Variants in ADHFE1 observed in about 807,000 individuals in gnomAD.
The protein encoded by ADHFE1 is hydroxyacid-oxoacid transhydrogenase, mitochondrial.
In ADHFE1, 37 loss-of-function variants were observed where a neutral mutation model predicts 54.8. That is an observed-to-expected ratio of 0.68 (90% CI 0.52 to 0.89). The LOEUF (loss-of-function observed/expected upper bound fraction) is 0.89, where lower values mean the gene tolerates loss of function less well. Ranked by LOEUF, ADHFE1 falls within the 40% of genes least tolerant of loss-of-function variation. ADHFE1 has a pLI of 0.00. For synonymous variants in ADHFE1, 203 were observed against 229.3 expected, an observed-to-expected ratio of 0.89 and a Z score of 1.04; for missense variants, 601 against 591.2, an observed-to-expected ratio of 1.02 and a Z score of -0.17.
At position 66,440,178 on chromosome 8, in the gene ADHFE1, C is replaced by T. The variant is rs1490383438; in HGVS notation, c.76C>T (p.His26Tyr). Residue 26 changes from histidine to tyrosine, a missense_variant, in exon 2 of 14, where the codon CAT becomes TAT. His to Tyr is a moderately conservative substitution (Grantham distance 83). Coordinates refer to ENST00000396623, the MANE Select transcript of ADHFE1 (RefSeq NM_144650.3). ...TTTCCCTAGGTGCCAGTGCCCAACTCATTCTCATACTTACTCCCAAGGTAA... is the reference window on the plus strand; with the variant it reads ...TTTCCCTAGGTGCCAGTGCCCAACTTATTCTCATACTTACTCCCAAGGTAA... Reference protein sequence around the residue: ...LQRAACQCPTHSHTYSQAPGL... With the variant: ...LQRAACQCPTYSHTYSQAPGL... The T allele has an allele frequency of 5.0e-6, 8 of 1,603,072 alleles. No homozygotes were observed. The highest frequency in any genetic ancestry group is 6.8e-6 in the Non-Finnish European group (8 of 1,173,400).
At chr8:66,438,648 G>T (rs1368295048) in intron 1 of ADHFE1, among the ~76,000 whole-genome samples, 3 of 152,084 alleles carry the variant, frequency 2.0e-5, no homozygotes, top group Non-Finnish European at 4.4e-5. Context: ...GCAAATGTAG[G>T]TCGGGAGGAG....
chr8:66,449,987 G>A (rs1043778891), intron 8 of ADHFE1, among the ~76,000 whole-genome samples: 71 of 152,158 alleles, frequency 4.7e-4, no homozygotes, highest in African/African-American at 1.4e-3. Context: ...GTCAAGCATG[G>A]TGGCACATGC....
In ADHFE1 at chr8:66,445,331, C is replaced by T. The variant is rs1586452837; in HGVS notation, c.467C>T (p.Pro156Leu). Residue 156 changes from proline (P) to leucine (L), a missense_variant, in exon 6 of 14, where the codon CCT (proline) becomes CTT (leucine). Physicochemically the swap from Pro to Leu is moderately conservative, Grantham distance 98. Coordinates refer to ENST00000396623, the MANE Select transcript of ADHFE1 (RefSeq NM_144650.3). Reference sequence around the variant, plus strand: ...GCTGCTAATCTGTATGCATCCAGCCCTCATTCTGATTTCCTAGATTATGTC... The same window carrying T: ...GCTGCTAATCTGTATGCATCCAGCCTTCATTCTGATTTCCTAGATTATGTC... The part of the protein sequence containing the change: ...CKAANLYASS[P>L]HSDFLDYVSA... The T allele has an allele frequency of 6.2e-7, 1 of 1,614,042 alleles. No homozygotes were observed. The highest frequency in any genetic ancestry group is 1.3e-5 in the African/African-American group (1 of 75,020).
Position 66,454,662 on chromosome 8 carries a change from C to T in ADHFE1, c.986+505C>T, listed in dbSNP as rs377406326. On this transcript the variant is annotated intron_variant, in intron 10 of 13. Transcript: ENST00000396623. ...TACCTCCTAGCTTCATCCACCAATC[C>T]CCCCACCTTCCCTAATACTTAGCAA... Among the ~76,000 whole-genome samples, 10 of 152,110 alleles carry T rather than the reference C, an allele frequency of 6.6e-5. No individual in the cohort carries two copies. The East Asian group carries it at 7.7e-4, about 12-fold the overall frequency.
intron 13 of ADHFE1, among the ~76,000 whole-genome samples, chr8:66,465,496 A>G (rs1325650978): frequency 6.6e-5 from 10 of 152,092 alleles, no homozygotes; most frequent in Non-Finnish European, 1.3e-4. Flanking sequence ...TCATGTGCTT[A>G]TTGGCTATGT....
chr8:66,457,841 A>G (rs1335205984), intron 12 of ADHFE1, among the ~76,000 whole-genome samples: 5 of 152,160 alleles, frequency 3.3e-5, no homozygotes, highest in Non-Finnish European at 1.5e-5. Flanking sequence ...TTTTAATGTT[A>G]TAAATGACTT....
chr8:66,454,719 T>TC (rs1806482232), intron 10 of ADHFE1, among the ~76,000 whole-genome samples: 1 of 151,884 alleles, frequency 6.6e-6, no homozygotes, highest in Non-Finnish European at 1.5e-5. Flanking sequence ...TTTTCTTTTT[T>TC]CTTTTTTTTT....
intron 7 of ADHFE1, among the ~76,000 whole-genome samples, chr8:66,447,934 C>G (rs1586458395): frequency 6.6e-6 from 1 of 152,082 alleles, no homozygotes; most frequent in African/African-American, 2.4e-5. Flanking sequence ...TAATAAAATG[C>G]ACACATTTTA....
Position 66,444,741 on chromosome 8 carries a change from G to T in ADHFE1, c.346G>T (p.Asp116Tyr). Residue 116 changes from aspartate (D) to tyrosine (Y), a missense_variant, in exon 5 of 14, where the codon GAT becomes TAT. Coordinates refer to ENST00000396623, the MANE Select transcript of ADHFE1 (RefSeq NM_144650.3). Reference protein sequence around the residue: ...VYDNVRVEPTDSSFMEAIEFA... With the variant: ...VYDNVRVEPTYSSFMEAIEFA... ...TGATAATGTGAGAGTGGAACCAACG[G>T]ATTCAAGGTATTCTTGTATTGTTGT... 1 of 1,613,898 alleles carries T rather than the reference G, an allele frequency of 6.2e-7. No homozygotes were observed. Among genetic ancestry groups the T allele is most frequent in the Non-Finnish European group, 8.5e-7 (1 of 1,179,964 alleles).
intron 2 of ADHFE1, among the ~76,000 whole-genome samples, chr8:66,441,930 C>T (rs1805767489): frequency 1.3e-5 from 2 of 151,610 alleles, no homozygotes; most frequent in African/African-American, 4.9e-5. Flanking sequence ...CGAGATCCCA[C>T]CACTGCACTC....
intron 10 of ADHFE1, 131 bp from the exon 11 acceptor site, chr8:66,456,686 G>T: frequency 3.2e-6 from 2 of 634,284 alleles, no homozygotes; most frequent in East Asian, 3.0e-5. Context: ...CAAGAAAACA[G>T]AACATATCAC....
At position 66,448,963 on chromosome 8, in the gene ADHFE1, G is replaced by A. The variant is rs1407248638; in HGVS notation, c.727G>A (p.Val243Met). ...ARVVANSGFD[V>M]LCHALESYTT... ...AGTGGTCGCCAACAGTGGCTTTGATGTGCTTTGGTAAGTGCTGGTGCCTCC... is the reference window on the plus strand; with the variant it reads ...AGTGGTCGCCAACAGTGGCTTTGATATGCTTTGGTAAGTGCTGGTGCCTCC... The change falls in exon 8 of 14, where the codon GTG becomes ATG. Residue 243 changes from valine (V) to methionine (M), a missense_variant. Val to Met is a conservative substitution (Grantham distance 21, BLOSUM62 1). Transcript: ENST00000396623. 8 of 1,613,956 alleles carry A rather than the reference G, an allele frequency of 5.0e-6. No individual in the cohort carries two copies. Among genetic ancestry groups the A allele is most frequent in the South Asian group, 1.1e-5 (1 of 91,090 alleles).
chr8:66,447,941 T>C lies in ADHFE1; in HGVS notation c.628+600T>C, dbSNP rs529680269. Reference sequence around the variant, plus strand: ...CTTTTGTATAATAAAATGCACACATTTTAAGAATCTGGTTTGATGAGCCTT... The same window carrying C: ...CTTTTGTATAATAAAATGCACACATCTTAAGAATCTGGTTTGATGAGCCTT... On this transcript the variant is annotated intron_variant, in intron 7 of 13. Transcript: ENST00000396623. 1.2e-4 allele frequency among the ~76,000 whole-genome samples: 19 copies of C among 152,342 alleles called. No homozygotes were observed. In the South Asian group the frequency reaches 3.7e-3, roughly 30 times the overall value.
At position 66,447,354 on chromosome 8, in the gene ADHFE1, C is replaced by CT; in HGVS notation, c.628+17dup. 1.3e-6 allele frequency: 2 copies of CT among 1,592,078 alleles called. No individual in the cohort carries two copies. The highest frequency in any genetic ancestry group is 1.7e-6 in the Non-Finnish European group (2 of 1,160,862). ...AAAGTAAAAATTGGTAAGAACCATACTTTTGAATTATCTCCCTTACCTTTC... is the reference window on the plus strand; with the variant it reads ...AAAGTAAAAATTGGTAAGAACCATACTTTTTGAATTATCTCCCTTACCTTTC... On this transcript the variant is annotated intron_variant, in intron 7 of 13. Coordinates refer to ENST00000396623, the MANE Select transcript of ADHFE1 (RefSeq NM_144650.3).
At chr8:66,436,055 A>T (rs1805450026) in intron 1 of ADHFE1, among the ~76,000 whole-genome samples, 1 of 150,874 alleles carries the variant, frequency 6.6e-6, no homozygotes. Flanking sequence ...AGCTGGGATT[A>T]CAGGCACACA....
chr8:66,443,460 T>C (rs1805870924), intron 3 of ADHFE1, among the ~76,000 whole-genome samples: 1 of 152,060 alleles, frequency 6.6e-6, no homozygotes, highest in Non-Finnish European at 1.5e-5. Context: ...GTATTTTTAG[T>C]AGAGACAGGG....
intron 13 of ADHFE1, among the ~76,000 whole-genome samples, chr8:66,463,856 T>G (rs1370154789): frequency 1.3e-5 from 2 of 152,234 alleles, no homozygotes; most frequent in Non-Finnish European, 2.9e-5. Context: ...CAGGCCAGTA[T>G]TCTTGACCAA....
At chr8:66,452,400 AC>A (rs1806347235) in intron 9 of ADHFE1, among the ~76,000 whole-genome samples, 1 of 152,212 alleles carries the variant, frequency 6.6e-6, no homozygotes, top group South Asian at 2.1e-4. Context: ...CAGAAATGAG[AC>A]CCACACTGGC....
intron 9 of ADHFE1, among the ~76,000 whole-genome samples, chr8:66,453,329 C>G (rs915039644): frequency 4.6e-5 from 7 of 152,190 alleles, no homozygotes; most frequent in Non-Finnish European, 1.0e-4. Flanking sequence ...GGAAAAAAGG[C>G]TGTGCTTTTT....
Sources: gnomAD v4.1 joint callset for allele counts (sites outside exome capture counted in the v4.1 genomes callset) on GRCh38, gnomAD v4.1.1 for gene constraint, MANE v1.5 for transcripts, NCBI Gene and HGNC (gene_info 2026-07-23, HGNC 2026-07-21) for gene names.